Variants in AGMO observed in about 807,000 individuals in gnomAD.
AGMO encodes glyceryl-ether monooxygenase.
A neutral mutation model predicts 60.2 loss-of-function variants in AGMO; 75 were observed. That is an observed-to-expected ratio of 1.25 (90% CI 1.03 to 1.51). The LOEUF (loss-of-function observed/expected upper bound fraction) is 1.51, where lower values mean the gene tolerates loss of function less well. Ranked by LOEUF, AGMO falls within the 40% of genes most tolerant of loss-of-function variation. The pLI is 0.00. For missense variants in AGMO, 763 were observed against 525.5 expected (o/e 1.45, Z -4.42); for synonymous variants, 261 against 177.1 (o/e 1.47, Z -3.76).
At chr7:15,311,591 T>A (rs1476012137) in intron 12 of AGMO, among the ~76,000 whole-genome samples, 1 of 152,146 alleles carries the variant, frequency 6.6e-6, no homozygotes, top group African/African-American at 2.4e-5. Context: ...TGGTAAAACC[T>A]CCAGCTGCCT....
At chr7:15,180,554 C>T in the AGMO span, among the ~76,000 whole-genome samples, 70 of 152,154 alleles carry the variant, frequency 4.6e-4, no homozygotes, top group African/African-American at 1.6e-3. Context: ...GCCATGACCA[C>T]TTAAGTGATC....
chr7:15,139,708 G>T, the AGMO span, among the ~76,000 whole-genome samples: 1 of 149,942 alleles, frequency 6.7e-6, no homozygotes, highest in Non-Finnish European at 1.5e-5. Flanking sequence ...GGGTCATTTG[G>T]TATATGCATG....
intron 5 of AGMO, among the ~76,000 whole-genome samples, chr7:15,410,056 G>C (rs997579004): frequency 6.6e-6 from 1 of 151,538 alleles, no homozygotes; most frequent in African/African-American, 2.4e-5. Flanking sequence ...GAATATATCA[G>C]TCCAATTCTC....
chr7:15,355,836 G>A (rs1012455404), intron 12 of AGMO, among the ~76,000 whole-genome samples: 2 of 151,986 alleles, frequency 1.3e-5, no homozygotes, highest in African/African-American at 2.4e-5. Flanking sequence ...CCTGGGAGAA[G>A]ATACTTTCAA....
intron 12 of AGMO, among the ~76,000 whole-genome samples, chr7:15,296,871 T>C (rs10230121): frequency 6.6e-6 from 1 of 152,168 alleles, no homozygotes; most frequent in African/African-American, 2.4e-5. Flanking sequence ...AAGCCAAAGC[T>C]AGTGTTTTGT....
intron 3 of AGMO, among the ~76,000 whole-genome samples, chr7:15,447,262 T>C (rs1376542411): frequency 6.6e-6 from 1 of 152,212 alleles, no homozygotes; most frequent in South Asian, 2.1e-4. Flanking sequence ...CGTAAGAGTT[T>C]AGTGATCAAT....
the AGMO span, among the ~76,000 whole-genome samples, chr7:15,118,555 C>T: frequency 0.028 from 4,236 of 152,158 alleles, 209 homozygotes; most frequent in African/African-American, 0.097. Context: ...AAATCATTGA[C>T]TTCCTTGTTG....
the AGMO span, among the ~76,000 whole-genome samples, chr7:15,188,000 T>C: frequency 7.8e-3 from 1,183 of 152,238 alleles, 19 homozygotes; most frequent in African/African-American, 0.027. Flanking sequence ...AGACACCTTA[T>C]GTCTGTTCTC....
intron 10 of AGMO, among the ~76,000 whole-genome samples, chr7:15,370,671 G>C (rs139667450): frequency 0.01 from 1,476 of 147,202 alleles, 25 homozygotes; most frequent in African/African-American, 0.034. Context: ...ATGTTTGTTG[G>C]ATACTTGTAT....
At chr7:15,218,572 ACT>A (rs1327561394) in intron 12 of AGMO, among the ~76,000 whole-genome samples, 3 of 141,206 alleles carry the variant, frequency 2.1e-5, no homozygotes, top group East Asian at 1.9e-4. Flanking sequence ...AAATATATTA[ACT>A]CTCTGTAAGC....
chr7:15,411,416 T>C (rs929089226), intron 5 of AGMO, among the ~76,000 whole-genome samples: 1 of 151,910 alleles, frequency 6.6e-6, no homozygotes, highest in Non-Finnish European at 1.5e-5. Context: ...CAGTAACAAA[T>C]AAAATCAGGA....
At chr7:15,365,396 G>T (rs80124003) in intron 12 of AGMO, 118 bp downstream of exon 12, 72 of 174,792 alleles carry the variant, frequency 4.1e-4, no homozygotes, top group East Asian at 7.3e-4. Context: ...AAAAAAAAAA[G>T]ATCAAGATTT....
At chr7:15,529,587 TATATAAA>T (rs1562554767) in intron 3 of AGMO, among the ~76,000 whole-genome samples, 9 of 92,590 alleles carry the variant, frequency 9.7e-5, no homozygotes, top group Admixed American at 2.8e-4. Context: ...GTATATATAG[TATATAAA>T]CTCTATATAT....
intron 12 of AGMO, among the ~76,000 whole-genome samples, chr7:15,325,334 G>A (rs1265753565): frequency 2.0e-5 from 3 of 151,870 alleles, no homozygotes; most frequent in African/African-American, 4.8e-5. Context: ...TTATATATTA[G>A]CATTTCTACA....
intron 3 of AGMO, among the ~76,000 whole-genome samples, chr7:15,528,937 C>T (rs1384417158): frequency 1.3e-5 from 2 of 152,028 alleles, no homozygotes; most frequent in Admixed American, 6.6e-5. Flanking sequence ...CATGAGACAC[C>T]GCGCCCGGCC....
chr7:15,495,483 C>G (rs1482273503), intron 3 of AGMO, among the ~76,000 whole-genome samples: 1 of 152,156 alleles, frequency 6.6e-6, no homozygotes, highest in African/African-American at 2.4e-5. Flanking sequence ...TACATCACTT[C>G]TCTTTCAAAT....
At chr7:15,264,161 G>A (rs774420843) in intron 12 of AGMO, among the ~76,000 whole-genome samples, 4 of 151,742 alleles carry the variant, frequency 2.6e-5, no homozygotes, top group Non-Finnish European at 5.9e-5. Context: ...TTAGTTGTGT[G>A]CATCTAAAAT....
At position 15,394,115 on chromosome 7, in the gene AGMO, T is replaced by C. The variant is rs763654051; in HGVS notation, c.674A>G (p.His225Arg). Residue 225 changes from histidine to arginine, a missense_variant and splice_region_variant, in exon 6 of 13, where the codon CAT becomes CGT. By Grantham distance (29) the His-to-Arg change is conservative. Coordinates refer to ENST00000342526, the MANE Select transcript of AGMO (RefSeq NM_001004320.2). ...LNTPSHHRVH[H>R]GRNRYCIDKN... ...GAGAAGAAACAAAACTTCCTTACCA[T>C]GATGAACCCTATGATGGCTAGGAGT... 13 of 1,609,238 alleles carry C rather than the reference T, an allele frequency of 8.1e-6. No individual in the cohort carries two copies. Among genetic ancestry groups the C allele is most frequent in the African/African-American group, 4.0e-5 (3 of 74,758 alleles).
chr7:15,487,216 T>C, intron 3 of AGMO, among the ~76,000 whole-genome samples: 1 of 152,296 alleles, frequency 6.6e-6, no homozygotes, highest in Middle Eastern at 3.4e-3. Flanking sequence ...TAAGAAATAA[T>C]TGAAATAAAA....
Sources: allele counts gnomAD v4.1 joint callset (sites outside exome capture counted in the v4.1 genomes callset), GRCh38; gene constraint gnomAD v4.1.1; transcripts MANE v1.5; gene names NCBI Gene and HGNC (gene_info 2026-07-23, HGNC 2026-07-21).